TMEM181: variants seen among roughly 807,000 people sequenced by gnomAD.
The protein encoded by TMEM181 is G protein-coupled receptor 178.
Under a neutral mutation model 71.9 loss-of-function variants are expected in TMEM181, and 39 were observed. That is an observed-to-expected ratio of 0.54 (90% CI 0.42 to 0.71). The LOEUF (loss-of-function observed/expected upper bound fraction) is 0.71. Among genes scored for constraint, TMEM181 ranks in the 30% least tolerant of loss-of-function variants. The probability of loss-of-function intolerance (pLI) is 0.00; values close to 1 mark genes in which losing one functional copy is unlikely to be tolerated. For missense variants in TMEM181, 595 were observed against 583.0 expected, an observed-to-expected ratio of 1.02 and a Z score of -0.21; for synonymous variants, 245 against 228.8, an observed-to-expected ratio of 1.07 and a Z score of -0.64.
chr6:158,622,272 T>G (rs1204182642), intron 10 of TMEM181, among the ~76,000 whole-genome samples: 1 of 152,122 alleles, frequency 6.6e-6, no homozygotes, highest in Admixed American at 6.5e-5. Context: ...TGACGTGCTC[T>G]CTCTTTTTCA....
chr6:158,591,377 A>T (rs1228448690), intron 6 of TMEM181, among the ~76,000 whole-genome samples: 1 of 152,050 alleles, frequency 6.6e-6, no homozygotes. Context: ...GGGACAGCTG[A>T]GCCGGCTCTC....
chr6:158,619,323 T>C (rs959113000), intron 10 of TMEM181, among the ~76,000 whole-genome samples: 1 of 152,240 alleles, frequency 6.6e-6, no homozygotes, highest in Non-Finnish European at 1.5e-5. Context: ...GTAGTTCTTA[T>C]GCCATGGTTT....
chr6:158,631,075 T>G (rs899671617), intron 15 of TMEM181, among the ~76,000 whole-genome samples: 2 of 152,242 alleles, frequency 1.3e-5, no homozygotes, highest in Non-Finnish European at 2.9e-5. Context: ...AATGGCAGCC[T>G]GCCTGCTCCT....
chr6:158,621,519 C>CT (rs1239069039), intron 10 of TMEM181: 5 of 193,500 alleles, frequency 2.6e-5, no homozygotes, highest in African/African-American at 1.2e-4. Context: ...ACACAGAGCT[C>CT]TGAGCTGGCC....
At chr6:158,609,295 T>G (rs1454252855) in intron 10 of TMEM181, among the ~76,000 whole-genome samples, 1 of 152,172 alleles carries the variant, frequency 6.6e-6, no homozygotes, top group African/African-American at 2.4e-5. Flanking sequence ...GTTTATACCC[T>G]ATGTATACCC....
chr6:158,596,316 C>T (rs116836513), intron 6 of TMEM181, among the ~76,000 whole-genome samples: 1,966 of 152,302 alleles, frequency 0.013, 44 homozygotes, highest in African/African-American at 0.044. Context: ...TACGGCCGCA[C>T]GTTTCTTGAG....
In TMEM181 at chr6:158,553,720, C is replaced by T. The variant is rs527645998; in HGVS notation, c.131+16855C>T. On this transcript the variant is annotated intron_variant, in intron 1 of 16. Coordinates refer to the TMEM181 transcript ENST00000367090. ...GTGCAGACATTTTTATTTTTTTCAA[C>T]AATTTAAAAGCTAGTTTATTTATTA... Among the ~76,000 whole-genome samples, 80 of 152,064 alleles carry T rather than the reference C, an allele frequency of 5.3e-4. 1 individual carries two copies. The highest frequency in any genetic ancestry group is 1.0e-3 in the Non-Finnish European group (69 of 68,010).
At chr6:158,577,484 T>A (rs1410603543) in intron 2 of TMEM181, among the ~76,000 whole-genome samples, 1 of 152,024 alleles carries the variant, frequency 6.6e-6, no homozygotes, top group African/African-American at 2.4e-5. Context: ...ACATACACAC[T>A]CTGGGAGTCT....
intron 1 of TMEM181, among the ~76,000 whole-genome samples, chr6:158,565,633 G>A (rs1782447927): frequency 6.6e-6 from 1 of 152,200 alleles, no homozygotes; most frequent in Non-Finnish European, 1.5e-5. Context: ...AAAAAAACAG[G>A]GAAGAGTGAG....
At chr6:158,557,871 G>C (rs1003763295), upstream of TMEM181, among the ~76,000 whole-genome samples, 1 of 152,232 alleles carries the variant, frequency 6.6e-6, no homozygotes, top group South Asian at 2.1e-4. Flanking sequence ...AAAAGGACAG[G>C]GACCTCATCT....
At chr6:158,575,429 A>G (rs1783102851) in intron 2 of TMEM181, among the ~76,000 whole-genome samples, 1 of 151,918 alleles carries the variant, frequency 6.6e-6, no homozygotes, top group African/African-American at 2.4e-5. Flanking sequence ...CCCCAGTTCA[A>G]ATGATTCTCC....
chr6:158,578,122 A>G (rs1047832796), intron 2 of TMEM181, among the ~76,000 whole-genome samples: 2 of 152,194 alleles, frequency 1.3e-5, no homozygotes, highest in Non-Finnish European at 2.9e-5. Context: ...AGAACAAAAC[A>G]AAACTGTCAG....
rs1363569648 is a variant in TMEM181 at position 158,605,154 on chromosome 6, G to GTGTGTGTGTA, written c.493-108_493-107insGTGTATGTGT. The stretch of plus-strand genomic sequence containing the variant: ...AAAGTGTGTGTGTGTGTGTGTGTGT[G>GTGTGTGTGTA]TGTGTATGTGTATATATTGTCTCAT... On this transcript the variant is annotated intron_variant, in intron 6 of 16. Coordinates refer to ENST00000684151, the MANE Select transcript of TMEM181 (RefSeq NM_001376852.1). 3.4e-3 allele frequency: 1,946 copies of GTGTGTGTGTA among 576,130 alleles called. 55 individuals carry two copies. In the African/African-American group the frequency reaches 0.036, roughly 11 times the overall value. The allele number at this position is 576,130 out of a possible 1,614,324, so 35.7% of individuals were successfully genotyped here.
At chr6:158,564,228 G>T (rs1782352638) in intron 1 of TMEM181, among the ~76,000 whole-genome samples, 1 of 152,184 alleles carries the variant, frequency 6.6e-6, no homozygotes, top group Non-Finnish European at 1.5e-5. Flanking sequence ...TTAGTGAGGG[G>T]CCAAACAGTG....
At chr6:158,629,333 A>C (rs1341113240) in intron 14 of TMEM181, among the ~76,000 whole-genome samples, 1 of 152,096 alleles carries the variant, frequency 6.6e-6, no homozygotes. Context: ...TTGGTTTGAG[A>C]GTTTGTTTCC....
chr6:158,560,270 C>T (rs1351866764), intron 1 of TMEM181, 38 bp downstream of exon 1: 17 of 985,092 alleles, frequency 1.7e-5, no homozygotes, highest in South Asian at 4.7e-5. Context: ...GGCTGGCTCT[C>T]CGGACACTCC....
intron 3 of TMEM181, among the ~76,000 whole-genome samples, chr6:158,582,520 C>G (rs1337679932): frequency 6.6e-6 from 1 of 152,006 alleles, no homozygotes; most frequent in African/African-American, 2.4e-5. Context: ...TAAAAATAAG[C>G]TGGGTGTGGT....
At chr6:158,563,583 T>C (rs771440954) in intron 1 of TMEM181, among the ~76,000 whole-genome samples, 1 of 152,206 alleles carries the variant, frequency 6.6e-6, no homozygotes, top group Non-Finnish European at 1.5e-5. Context: ...CAGCACTGCT[T>C]GTGCTGAAAT....
intron 2 of TMEM181, among the ~76,000 whole-genome samples, chr6:158,575,235 G>C (rs990318727): frequency 1.8e-4 from 27 of 152,264 alleles, no homozygotes; most frequent in South Asian, 2.1e-4. Context: ...TATGTGATAA[G>C]GTTATTACTA....
Sources: gnomAD v4.1 joint callset for allele counts (sites outside exome capture counted in the v4.1 genomes callset) on GRCh38, gnomAD v4.1.1 for gene constraint, MANE v1.5 for transcripts, NCBI Gene and HGNC (gene_info 2026-07-23, HGNC 2026-07-21) for gene names.